The following AGBL1 variants were observed in gnomAD, a reference collection of about 807,000 sequenced individuals.
AGBL1 encodes cytosolic carboxypeptidase 4.
AGBL1 carries 130 observed loss-of-function variants against 118.9 expected under a neutral mutation model. That is an observed-to-expected ratio of 1.09 (90% CI 0.95 to 1.26). AGBL1 has a LOEUF of 1.26. Among genes scored for constraint, AGBL1 ranks in the 50% most tolerant of loss-of-function variants. AGBL1 has a pLI of 0.00. For synonymous variants in AGBL1, 555 were observed against 478.9 expected (o/e 1.16, Z -2.08); for missense variants, 1,584 against 1,298.1 (o/e 1.22, Z -3.38).
intron 24 of AGBL1, among the ~76,000 whole-genome samples, chr15:86,989,700 C>T (rs1342549182): frequency 1.3e-5 from 2 of 152,012 alleles, no homozygotes; most frequent in Non-Finnish European, 2.9e-5. Context: ...TGACATATGA[C>T]AATGTTTTGA....
At chr15:86,437,916 T>C (rs536764160) in intron 18 of AGBL1, among the ~76,000 whole-genome samples, 1 of 151,542 alleles carries the variant, frequency 6.6e-6, no homozygotes, top group South Asian at 2.1e-4. Flanking sequence ...TTTCTTTCTC[T>C]TTTTTTGGAG....
chr15:86,969,866 C>G (rs1392282682), intron 23 of AGBL1, among the ~76,000 whole-genome samples: 1 of 151,888 alleles, frequency 6.6e-6, no homozygotes, highest in African/African-American at 2.4e-5. Context: ...AGTCACCTCA[C>G]TGAGGAATGT....
intron 22 of AGBL1, among the ~76,000 whole-genome samples, chr15:86,832,143 C>T (rs952657605): frequency 6.6e-6 from 1 of 152,192 alleles, no homozygotes; most frequent in Non-Finnish European, 1.5e-5. Context: ...CTGGGCCAGG[C>T]CCATGAAACC....
chr15:86,339,523 C>T (rs1345537500), intron 17 of AGBL1, among the ~76,000 whole-genome samples: 4 of 152,070 alleles, frequency 2.6e-5, no homozygotes, highest in African/African-American at 9.7e-5. Flanking sequence ...GAGATTTCTT[C>T]TTTTATTTCA....
At position 86,715,263 on chromosome 15, in the gene AGBL1, A is replaced by G. The variant is rs28475584; in HGVS notation, c.3158+40827A>G. Among the ~76,000 whole-genome samples, 448 of 152,278 alleles carry G rather than the reference A, an allele frequency of 2.9e-3. 2 individuals carry two copies. Among genetic ancestry groups the G allele is most frequent in the African/African-American group, 0.01 (426 of 41,554 alleles). On this transcript the variant is annotated intron_variant, in intron 22 of 22. Transcript: ENST00000614907. ...AGTGGCAGAGACCTATGTACCTGTT[A>G]TTGTTGCTGTTCACTATTTCTATAA...
intron 18 of AGBL1, among the ~76,000 whole-genome samples, chr15:86,504,250 G>T (rs2082948771): frequency 1.3e-5 from 2 of 151,186 alleles, no homozygotes; most frequent in African/African-American, 4.8e-5. Flanking sequence ...CTTTCTTTTG[G>T]TTACTGTTTG....
intron 23 of AGBL1, among the ~76,000 whole-genome samples, chr15:86,959,351 C>T (rs1244503972): frequency 1.3e-5 from 2 of 152,084 alleles, no homozygotes; most frequent in Admixed American, 6.6e-5. Context: ...AGTTCTGTAC[C>T]TAAGAACCCA....
Position 86,728,649 on chromosome 15 carries a change from T to A in AGBL1, c.3158+54213T>A, listed in dbSNP as rs540510367. ...AATTGTTTTGCATTAAGTTTTGTTTTTTAAAATACTACATTAAGACATTAT... is the reference window on the plus strand; with the variant it reads ...AATTGTTTTGCATTAAGTTTTGTTTATTAAAATACTACATTAAGACATTAT... On this transcript the variant is annotated intron_variant, in intron 22 of 22. Coordinates refer to ENST00000614907, the MANE Select transcript of AGBL1 (RefSeq NM_001386094.1). Among the ~76,000 whole-genome samples the A allele has an allele frequency of 9.8e-5, 15 of 152,356 alleles. No homozygotes were observed. In the East Asian group the frequency reaches 2.5e-3, roughly 25 times the overall value.
chr15:86,691,126 T>C (rs1381478419), intron 22 of AGBL1, among the ~76,000 whole-genome samples: 2 of 152,150 alleles, frequency 1.3e-5, no homozygotes, highest in African/African-American at 4.8e-5. Flanking sequence ...TGTTACGTGA[T>C]ATGGAAGCAA....
intron 22 of AGBL1, among the ~76,000 whole-genome samples, chr15:86,745,709 G>A (rs997529355): frequency 7.2e-5 from 11 of 152,100 alleles, no homozygotes; most frequent in African/African-American, 2.7e-4. Flanking sequence ...AGGCTGAGCC[G>A]AAATTGTAAC....
At chr15:86,383,829 T>G (rs1450165335) in intron 17 of AGBL1, among the ~76,000 whole-genome samples, 1 of 152,160 alleles carries the variant, frequency 6.6e-6, no homozygotes, top group African/African-American at 2.4e-5. Context: ...TCTAATACTT[T>G]TTTTCAGGCA....
intron 22 of AGBL1, among the ~76,000 whole-genome samples, chr15:86,820,843 G>C (rs1411342967): frequency 1.3e-5 from 2 of 151,950 alleles, no homozygotes; most frequent in Non-Finnish European, 2.9e-5. Flanking sequence ...GATACCCAAA[G>C]GATTATAAAT....
chr15:86,972,872 C>T (rs2081124488), intron 23 of AGBL1, among the ~76,000 whole-genome samples: 1 of 151,848 alleles, frequency 6.6e-6, no homozygotes, highest in Non-Finnish European at 1.5e-5. Flanking sequence ...TTTTTTCTGA[C>T]AATGGTAGAT....
At chr15:86,817,114 C>G (rs745390300) in intron 22 of AGBL1, among the ~76,000 whole-genome samples, 2 of 151,838 alleles carry the variant, frequency 1.3e-5, no homozygotes, top group Non-Finnish European at 2.9e-5. Flanking sequence ...TGATGAAACT[C>G]CATCTCTACT....
chr15:86,873,042 C>A (rs9646225), intron 22 of AGBL1, among the ~76,000 whole-genome samples: 10,259 of 152,276 alleles, frequency 0.067, 368 homozygotes, highest in South Asian at 0.11. Flanking sequence ...TATACTCTTT[C>A]AGCTCCAATT....
chr15:86,930,670 G>T (rs985521918), intron 23 of AGBL1, among the ~76,000 whole-genome samples: 1 of 151,942 alleles, frequency 6.6e-6, no homozygotes, highest in Non-Finnish European at 1.5e-5. Context: ...AAGGGTCCAT[G>T]AAAAAAATGA....
intron 18 of AGBL1, among the ~76,000 whole-genome samples, chr15:86,432,234 C>G (rs1467379855): frequency 1.3e-5 from 2 of 152,182 alleles, no homozygotes; most frequent in Non-Finnish European, 2.9e-5. Context: ...AAAGTCCATA[C>G]TTTATTCAGA....
At chr15:87,028,964 A>C in exon 25 of AGBL1, 5 of 1,086,654 alleles carry the variant, frequency 4.6e-6, no homozygotes, top group Non-Finnish European at 6.8e-6. Context: ...ATGTTGCTCC[A>C]TCATCCCTGC....
intron 21 of AGBL1, among the ~76,000 whole-genome samples, chr15:86,593,576 T>C (rs1441050638): frequency 6.6e-6 from 1 of 152,204 alleles, no homozygotes. Flanking sequence ...AATAGATAAA[T>C]TGCATGGACT....
Sources: allele counts gnomAD v4.1 joint callset (sites outside exome capture counted in the v4.1 genomes callset), GRCh38; gene constraint gnomAD v4.1.1; transcripts MANE v1.5; gene names NCBI Gene and HGNC (gene_info 2026-07-23, HGNC 2026-07-21).